The following IL17RD variants were observed in gnomAD, a reference collection of about 807,000 sequenced individuals.
IL17RD encodes interleukin 17 receptor D.
Under a neutral mutation model 80.5 loss-of-function variants are expected in IL17RD, and 52 were observed. The ratio of observed to expected loss-of-function variants is 0.65; its 90% confidence interval spans 0.52 to 0.81. The LOEUF (loss-of-function observed/expected upper bound fraction) is 0.81. IL17RD is among the 40% of genes least tolerant of loss of function. The probability of loss-of-function intolerance (pLI) is 0.00; values close to 1 mark genes in which losing one functional copy is unlikely to be tolerated. For synonymous variants in IL17RD, 416 were observed against 391.8 expected, an observed-to-expected ratio of 1.06 and a Z score of -0.73; for missense variants, 1,024 against 955.1, an observed-to-expected ratio of 1.07 and a Z score of -0.95.
intron 1 of IL17RD, among the ~76,000 whole-genome samples, chr3:57,154,283 T>TATATATATATATACACACACACACAC (rs904157398): frequency 8.9e-6 from 1 of 112,908 alleles, no homozygotes; most frequent in African/African-American, 3.2e-5. Context: ...TATATATATA[T>TATATATATATATACACACACACACAC]ACACACACAC....
chr3:57,148,650 T>C (rs1474344598), intron 1 of IL17RD, among the ~76,000 whole-genome samples: 1 of 152,100 alleles, frequency 6.6e-6, no homozygotes, highest in African/African-American at 2.4e-5. Flanking sequence ...AGGAGGTGGG[T>C]TTAGGAGCGT....
upstream of IL17RD, among the ~76,000 whole-genome samples, chr3:57,168,038 G>A (rs1160125817): frequency 1.3e-5 from 2 of 152,104 alleles, no homozygotes; most frequent in Non-Finnish European, 2.9e-5. Context: ...CACCATGTTG[G>A]TCAGGCTGGT....
chr3:57,143,364 G>A (rs867006808), intron 1 of IL17RD, among the ~76,000 whole-genome samples: 174 of 152,164 alleles, frequency 1.1e-3, no homozygotes, highest in African/African-American at 3.9e-3. Context: ...CAAAGGCTAC[G>A]ACAATCTCAA....
intron 1 of IL17RD, chr3:57,164,852 G>C: frequency 2.7e-6 from 3 of 1,126,718 alleles, no homozygotes; most frequent in Non-Finnish European, 3.3e-6. Flanking sequence ...CAAGAACAAA[G>C]GGTGGGGCGC....
Position 57,097,832 on chromosome 3 carries a change from T to A in IL17RD, c.1871A>T (p.His624Leu). Residue 624 changes from histidine (H) to leucine (L), a missense_variant, in exon 12 of 13, where the codon CAT becomes CTT. Physicochemically the swap from His to Leu is moderately conservative, Grantham distance 99. Coordinates refer to ENST00000296318, the MANE Select transcript of IL17RD (RefSeq NM_017563.5). ...CTCCCCGTCTTGGTCCAGGCCCCCA[T>A]GCTGACTCTCGTGCTGGGAGTCGGC... is the stretch of plus-strand genomic sequence containing the variant. ...GPADSQHESQHGGLDQDGEAR... is the reference protein window; with the variant it reads ...GPADSQHESQLGGLDQDGEAR... 6.2e-7 allele frequency: 1 copy of A among 1,611,868 alleles called. No homozygotes were observed. The highest frequency in any genetic ancestry group is 8.5e-7 in the Non-Finnish European group (1 of 1,178,972).
Position 57,114,777 on chromosome 3 carries a change from A to C in IL17RD, c.225T>G (p.Ile75Met), listed in dbSNP as rs754953544. 3.7e-6 allele frequency: 6 copies of C among 1,611,296 alleles called. No individual in the cohort carries two copies. Among genetic ancestry groups the C allele is most frequent in the Non-Finnish European group, 5.1e-6 (6 of 1,178,614 alleles). The part of the protein sequence containing the change: ...TYLNPVGKHV[I>M]ADAQNITISQ... ...TGATGGTGATATTCTGGGCGTCAGC[A>C]ATCACATGCTTCCCCACTGGATTCA... is the stretch of plus-strand genomic sequence containing the variant. Residue 75 changes from isoleucine (I) to methionine (M), a missense_variant, in exon 3 of 13, where the codon ATT becomes ATG. Ile to Met is a conservative substitution (Grantham distance 10). Transcript: ENST00000296318.
At chr3:57,106,200 G>C in intron 5 of IL17RD, 46 bp from the exon 6 acceptor site, 1 of 1,428,582 alleles carries the variant, frequency 7.0e-7, no homozygotes, top group East Asian at 2.3e-5. Context: ...AGGACAGTTA[G>C]ACATTTTCCT....
intron 1 of IL17RD, among the ~76,000 whole-genome samples, chr3:57,163,739 T>A (rs1223576528): frequency 7.2e-6 from 1 of 138,744 alleles, no homozygotes; most frequent in African/African-American, 2.7e-5. Context: ...AGTAAGAAAA[T>A]GTGATGCTTT....
At chr3:57,141,698 TAA>T (rs1559482092) in intron 1 of IL17RD, among the ~76,000 whole-genome samples, 1 of 152,188 alleles carries the variant, frequency 6.6e-6, no homozygotes, top group East Asian at 1.9e-4. Flanking sequence ...CTTGACACTC[TAA>T]GTTTCTTTTG....
At chr3:57,167,198 A>AT (rs200436307), upstream of IL17RD, among the ~76,000 whole-genome samples, 305 of 146,810 alleles carry the variant, frequency 2.1e-3, 2 homozygotes, top group Middle Eastern at 7.0e-3. Context: ...GCTGGGCAGA[A>AT]TTTTTTTTTT....
chr3:57,131,462 G>T (rs1579296079), intron 1 of IL17RD, among the ~76,000 whole-genome samples: 1 of 152,160 alleles, frequency 6.6e-6, no homozygotes, highest in African/African-American at 2.4e-5. Context: ...TCAACCACAG[G>T]TGCACTCTGT....
chr3:57,129,223 C>T (rs1707556748), intron 1 of IL17RD, among the ~76,000 whole-genome samples: 1 of 152,106 alleles, frequency 6.6e-6, no homozygotes. Flanking sequence ...AACAACCAAC[C>T]ACCCAAATAC....
At chr3:57,161,268 G>C (rs2060302840) in intron 1 of IL17RD, among the ~76,000 whole-genome samples, 3 of 152,206 alleles carry the variant, frequency 2.0e-5, no homozygotes, top group Admixed American at 6.5e-5. Context: ...ACCAGATGTG[G>C]GCTTAGGAGC....
rs2060339904 is a variant in IL17RD at position 57,165,243 on chromosome 3, T to C, written c.44A>G (p.Asn15Ser). ...CAGCTGCGAGCCGTTGAGGCAGGCG[T>C]TGACCGTAAAGAAGACGGAGCAGAG... The part of the protein sequence containing the change: ...LQLCSVFFTV[N>S]ACLNGSQLAV... Residue 15 changes from asparagine (N) to serine (S), a missense_variant, in exon 1 of 13, where the codon AAC (asparagine) becomes AGC (serine). By Grantham distance (46) the Asn-to-Ser change is conservative. Coordinates refer to ENST00000296318, the MANE Select transcript of IL17RD (RefSeq NM_017563.5). The C allele has an allele frequency of 6.5e-7, 1 of 1,528,982 alleles. No individual in the cohort carries two copies. The highest frequency in any genetic ancestry group is 1.2e-5 in the South Asian group (1 of 81,832). The allele number at this position is 1,528,982 out of a possible 1,614,324, so 94.7% of individuals were successfully genotyped here. A position where few individuals can be genotyped will look rare whatever the true frequency, so the allele number is the denominator to read the frequency against.
At chr3:57,140,714 A>G (rs562431848) in intron 1 of IL17RD, among the ~76,000 whole-genome samples, 1 of 152,280 alleles carries the variant, frequency 6.6e-6, no homozygotes, top group African/African-American at 2.4e-5. Flanking sequence ...CTGAAATTTG[A>G]TTGATCTCTG....
At position 57,105,958 on chromosome 3, in the gene IL17RD, C is replaced by T. The variant is rs1706954451; in HGVS notation, c.646G>A (p.Val216Met). The change falls in exon 7 of 13, where the codon GTG becomes ATG. Residue 216 changes from valine to methionine, a missense_variant. Val to Met is a conservative substitution (Grantham distance 21). Coordinates refer to ENST00000296318, the MANE Select transcript of IL17RD (RefSeq NM_017563.5). ...TTGTGCGGTGCATGGTCGAAGGACA[C>T]CTGCATGTCCGAGCCATGCTGGCTG... ...NISQHGSDMQ[V>M]SFDHAPHNFG... The T allele has an allele frequency of 1.2e-6, 2 of 1,613,774 alleles. No homozygotes were observed. Among genetic ancestry groups the T allele is most frequent in the Non-Finnish European group, 1.7e-6 (2 of 1,179,826 alleles).
intron 1 of IL17RD, among the ~76,000 whole-genome samples, chr3:57,136,525 C>T (rs1707729528): frequency 6.6e-6 from 1 of 151,438 alleles, no homozygotes; most frequent in African/African-American, 2.4e-5. Flanking sequence ...GTCCCAGCTG[C>T]TGAGGAGGAT....
chr3:57,110,298 C>A lies in IL17RD; in HGVS notation c.324G>T (p.Leu108=). The A allele has an allele frequency of 6.2e-7, 1 of 1,601,292 alleles. No individual in the cohort carries two copies. The part of the protein sequence containing the change: ...WSPGALGIEF[L]KGFRVILEEL... Reference sequence around the variant, plus strand: ...CCTCCAGTATTACCCGAAATCCTTTCAGGAATTCGATGCCTAAGCAAAGCA... The same window carrying A: ...CCTCCAGTATTACCCGAAATCCTTTAAGGAATTCGATGCCTAAGCAAAGCA... The change falls in exon 4 of 13, where the codon CTG becomes CTT. Residue 108 remains leucine (L), a synonymous_variant. Transcript: ENST00000296318.
At chr3:57,164,424 G>C (rs185017049) in intron 1 of IL17RD, among the ~76,000 whole-genome samples, 47 of 152,332 alleles carry the variant, frequency 3.1e-4, no homozygotes, top group Middle Eastern at 6.8e-3. Context: ...TGCACACGGC[G>C]AAAGTCTGGG....
Sources: allele counts gnomAD v4.1 joint callset (sites outside exome capture counted in the v4.1 genomes callset), GRCh38; gene constraint gnomAD v4.1.1; transcripts MANE v1.5; gene names NCBI Gene and HGNC (gene_info 2026-07-23, HGNC 2026-07-21).